The following CALN1 variants were observed in gnomAD, a reference collection of about 807,000 sequenced individuals.
The protein encoded by CALN1 is calcium-binding protein 8.
In CALN1, 17 loss-of-function variants were observed where a neutral mutation model predicts 30.6. The observed-to-expected ratio is 0.56, with a 90% CI of 0.38 to 0.83. The LOEUF (loss-of-function observed/expected upper bound fraction) is 0.83. Ranked by LOEUF, CALN1 falls within the 40% of genes least tolerant of loss-of-function variation. The pLI, the probability that CALN1 is intolerant of heterozygous loss-of-function variation, is 0.00. For synonymous variants in CALN1, 156 were observed against 131.4 expected, an observed-to-expected ratio of 1.19 and a Z score of -1.28; for missense variants, 291 against 354.9, an observed-to-expected ratio of 0.82 and a Z score of 1.45.
rs570978068 is a variant in CALN1 at position 72,041,169 on chromosome 7, T to C, written c.389-17400A>G. 1.4e-4 allele frequency among the ~76,000 whole-genome samples: 21 copies of C among 152,072 alleles called. No individual in the cohort carries two copies. In the South Asian group the frequency reaches 3.1e-3, roughly 23 times the overall value. On this transcript the variant is annotated intron_variant, in intron 4 of 6. Coordinates refer to ENST00000395275, the MANE Select transcript of CALN1 (RefSeq NM_031468.4). ...GAGACAAAGGACAATGGGAACAAAA[T>C]AGTCTGAGAAGAGAACCAAGAGAGA...
chr7:72,031,821 A>G (rs1396111152), intron 4 of CALN1, among the ~76,000 whole-genome samples: 1 of 147,406 alleles, frequency 6.8e-6, no homozygotes, highest in Non-Finnish European at 1.5e-5. Context: ...GGCTGATCGC[A>G]ACCTCCGCCT....
the CALN1 span, among the ~76,000 whole-genome samples, chr7:72,464,344 G>A: frequency 7.9e-5 from 12 of 152,118 alleles, no homozygotes; most frequent in African/African-American, 2.9e-4. Context: ...CCCTTCATGT[G>A]GAACTAGACC....
intron 3 of CALN1, among the ~76,000 whole-genome samples, chr7:72,248,080 T>C (rs1340607251): frequency 6.6e-6 from 1 of 152,218 alleles, no homozygotes; most frequent in Non-Finnish European, 1.5e-5. Context: ...TTGGGAGGGC[T>C]GTATTCCTTC....
intron 3 of CALN1, among the ~76,000 whole-genome samples, chr7:72,201,718 G>A (rs761415078): frequency 1.4e-5 from 2 of 143,864 alleles, no homozygotes; most frequent in Non-Finnish European, 3.0e-5. Flanking sequence ...ACATACCCAT[G>A]TACAACCTTG....
the CALN1 span, among the ~76,000 whole-genome samples, chr7:72,500,741 T>C: frequency 6.6e-6 from 1 of 152,196 alleles, no homozygotes; most frequent in Non-Finnish European, 1.5e-5. Context: ...TTCTGAGTGA[T>C]GAGGCACTAA....
intron 5 of CALN1, among the ~76,000 whole-genome samples, chr7:71,979,869 CTTTTT>C (rs555621436): frequency 0.068 from 6,067 of 88,938 alleles, 107 homozygotes; most frequent in East Asian, 0.3. Context: ...CATCAGGATT[CTTTTT>C]TTTTTTTTTT....
chr7:72,373,344 A>G (rs1394253091), intron 2 of CALN1, among the ~76,000 whole-genome samples: 1 of 152,236 alleles, frequency 6.6e-6, no homozygotes, highest in Non-Finnish European at 1.5e-5. Context: ...ATTTTAAGAC[A>G]TAATGGCTGA....
chr7:71,894,435 T>C (rs953781298), intron 5 of CALN1, among the ~76,000 whole-genome samples: 4 of 148,438 alleles, frequency 2.7e-5, no homozygotes, highest in Admixed American at 6.7e-5. Flanking sequence ...TGGCTAATTT[T>C]TAAATTTTTT....
chr7:71,975,573 T>C (rs1798061916), intron 5 of CALN1, among the ~76,000 whole-genome samples: 1 of 151,970 alleles, frequency 6.6e-6, no homozygotes, highest in Non-Finnish European at 1.5e-5. Flanking sequence ...ACTACAGACA[T>C]GCACCACCAC....
chr7:72,421,064 C>T (rs868807785), intron 1 of CALN1, among the ~76,000 whole-genome samples: 38 of 152,192 alleles, frequency 2.5e-4, no homozygotes, highest in African/African-American at 7.9e-4. Context: ...GCGTCCAGTG[C>T]GTTTTTAGAG....
At chr7:72,054,706 A>C (rs1803135546) in intron 4 of CALN1, among the ~76,000 whole-genome samples, 1 of 151,932 alleles carries the variant, frequency 6.6e-6, no homozygotes, top group Admixed American at 6.6e-5. Context: ...TGGGAGCTAA[A>C]TGATGAGAAC....
intron 6 of CALN1, among the ~76,000 whole-genome samples, chr7:71,795,145 T>C (rs1562784866): frequency 6.6e-6 from 1 of 152,074 alleles, no homozygotes; most frequent in Non-Finnish European, 1.5e-5. Context: ...GCCTCCCGAG[T>C]AGCGGAGAGG....
chr7:71,932,239 G>C (rs1584540571), intron 5 of CALN1, among the ~76,000 whole-genome samples: 1 of 152,102 alleles, frequency 6.6e-6, no homozygotes, highest in East Asian at 1.9e-4. Flanking sequence ...GGAGTACAGT[G>C]ATCATAGCTC....
chr7:71,840,741 T>C (rs1047428016), intron 5 of CALN1, among the ~76,000 whole-genome samples: 7 of 152,046 alleles, frequency 4.6e-5, no homozygotes, highest in African/African-American at 1.7e-4. Flanking sequence ...GAGGCTGAAA[T>C]GAAGCAGCAC....
intron 5 of CALN1, among the ~76,000 whole-genome samples, chr7:71,974,049 T>A (rs1179238123): frequency 6.6e-6 from 1 of 152,230 alleles, no homozygotes; most frequent in Non-Finnish European, 1.5e-5. Flanking sequence ...CTGCATAGTC[T>A]GAATTGATGT....
At chr7:72,142,790 G>GAT (rs1810050980) in intron 3 of CALN1, among the ~76,000 whole-genome samples, 2 of 152,150 alleles carry the variant, frequency 1.3e-5, no homozygotes, top group Non-Finnish European at 2.9e-5. Flanking sequence ...CCAGAGGAAC[G>GAT]ATCAGGCAGC....
intron 2 of CALN1, among the ~76,000 whole-genome samples, chr7:72,397,006 G>A (rs1049954708): frequency 6.6e-6 from 1 of 151,916 alleles, no homozygotes; most frequent in East Asian, 1.9e-4. Flanking sequence ...CAAATCCTGG[G>A]CTCAAGCAAT....
intron 5 of CALN1, among the ~76,000 whole-genome samples, chr7:71,879,867 GAGCT>G (rs1285477476): frequency 6.6e-6 from 1 of 152,166 alleles, no homozygotes; most frequent in Admixed American, 6.5e-5. Flanking sequence ...GGGAGATTGT[GAGCT>G]AGATTAACTC....
At chr7:71,930,005 C>T (rs559181594) in intron 5 of CALN1, among the ~76,000 whole-genome samples, 3 of 152,290 alleles carry the variant, frequency 2.0e-5, no homozygotes, top group East Asian at 3.9e-4. Context: ...ATATAACCTA[C>T]GCACATGTTC....
Sources: allele counts gnomAD v4.1 joint callset (sites outside exome capture counted in the v4.1 genomes callset), GRCh38; gene constraint gnomAD v4.1.1; transcripts MANE v1.5; gene names NCBI Gene and HGNC (gene_info 2026-07-23, HGNC 2026-07-21).